The following SKAP2 variants were observed in gnomAD, a reference collection of about 807,000 sequenced individuals.
The protein encoded by SKAP2 is src kinase-associated phosphoprotein 2.
In SKAP2, 28 loss-of-function variants were observed where a neutral mutation model predicts 54.9. The observed-to-expected ratio is 0.51, with a 90% confidence interval of 0.38 to 0.70. The LOEUF is 0.70. Among genes scored for constraint, SKAP2 ranks in the 30% least tolerant of loss-of-function variants. The pLI, the probability that SKAP2 is intolerant of heterozygous loss-of-function variation, is 0.00. For synonymous variants in SKAP2, 137 were observed against 134.3 expected (o/e 1.02, Z -0.14); for missense variants, 356 against 424.1 (o/e 0.84, Z 1.41).
At chr7:26,751,328 T>A (rs1318415882) in intron 4 of SKAP2, among the ~76,000 whole-genome samples, 1 of 151,290 alleles carries the variant, frequency 6.6e-6, no homozygotes, top group Non-Finnish European at 1.5e-5. Context: ...GACATGAAAT[T>A]ATTTTATGAC....
chr7:26,847,881 T>C (rs1011058721), intron 3 of SKAP2: 2 of 152,226 alleles, frequency 1.3e-5, no homozygotes, highest in Non-Finnish European at 2.9e-5. Flanking sequence ...GGGTTGTTGC[T>C]CATTAATACT....
chr7:26,735,958 C>G (rs1024685827), intron 6 of SKAP2, among the ~76,000 whole-genome samples: 18 of 152,036 alleles, frequency 1.2e-4, no homozygotes, highest in African/African-American at 4.1e-4. Flanking sequence ...AGAAACAAAT[C>G]TAAAATTTCA....
intron 4 of SKAP2, among the ~76,000 whole-genome samples, chr7:26,816,191 A>G (rs556064126): frequency 3.3e-5 from 5 of 152,288 alleles, no homozygotes; most frequent in African/African-American, 1.2e-4. Flanking sequence ...AAGTAGCAAC[A>G]TCGCAAGACA....
chr7:26,658,832 C>G, the SKAP2 span, among the ~76,000 whole-genome samples: 1 of 144,376 alleles, frequency 6.9e-6, no homozygotes, highest in Non-Finnish European at 1.5e-5. Context: ...CACCCCCCAC[C>G]CCCCCACCAA....
At chr7:26,717,371 G>A (rs1182718353) in intron 9 of SKAP2, among the ~76,000 whole-genome samples, 6 of 151,610 alleles carry the variant, frequency 4.0e-5, no homozygotes, top group Non-Finnish European at 5.9e-5. Flanking sequence ...TTAGCCAGGC[G>A]TGGTGGCATG....
intron 4 of SKAP2, among the ~76,000 whole-genome samples, chr7:26,784,781 C>A (rs914238276): frequency 6.6e-6 from 1 of 152,118 alleles, no homozygotes; most frequent in Non-Finnish European, 1.5e-5. Flanking sequence ...TAAGCATCTA[C>A]AGTAAAGTTT....
In SKAP2 at chr7:26,667,089, T is replaced by C. The variant is rs1430129753; in HGVS notation, c.*2577A>G. The C allele has an allele frequency of 6.6e-6, 1 of 152,198 alleles. No individual in the cohort carries two copies. The highest frequency in any genetic ancestry group is 1.5e-5 in the Non-Finnish European group (1 of 68,028). 9.4% of individuals were successfully genotyped at this position (152,198 alleles called of 1,614,324 possible). A position where few individuals can be genotyped will look rare whatever the true frequency, so the allele number is the denominator to read the frequency against. ...ACAGTTTGCAAACAATTAAACTTTA[T>C]TTGAACCTTAAAAATTTGCAGAGTG... On this transcript the variant is annotated 3_prime_UTR_variant, in exon 13 of 13. Transcript: ENST00000345317.
At chr7:26,665,169 C>T (rs530711214), downstream of SKAP2, among the ~76,000 whole-genome samples, 41 of 152,276 alleles carry the variant, frequency 2.7e-4, no homozygotes, top group African/African-American at 7.7e-4. Flanking sequence ...TCTGATATTA[C>T]GCAAGTGGAA....
In SKAP2 at chr7:26,667,887, T is replaced by C. The variant is rs941727260; in HGVS notation, c.*1779A>G. 2.0e-5 allele frequency: 3 copies of C among 152,218 alleles called. No homozygotes were observed. Among genetic ancestry groups the C allele is most frequent in the Non-Finnish European group, 2.9e-5 (2 of 68,036 alleles). 9.4% of individuals were successfully genotyped at this position (152,218 alleles called of 1,614,324 possible). On this transcript the variant is annotated 3_prime_UTR_variant, in exon 13 of 13. Transcript: ENST00000345317. ...GCTCAAGTTTTGAAAACCAGTCCAC[T>C]AAAGTCGTCTTTGGTTGTCTAACTT... is the stretch of plus-strand genomic sequence containing the variant.
the SKAP2 span, among the ~76,000 whole-genome samples, chr7:26,659,429 G>A: frequency 1.3e-5 from 2 of 152,080 alleles, no homozygotes; most frequent in Non-Finnish European, 1.5e-5. Context: ...AGCAAGAGGT[G>A]TAATGAAAAC....
rs1053139103 is a variant in SKAP2, at chr7:26,864,490, G to C, written c.-61C>G. On this transcript the variant is annotated 5_prime_UTR_variant, in exon 1 of 13. Transcript: ENST00000345317. ...CGCTGAAAAGGTGACCGACGGGGTG[G>C]GGCTGCGGCTGCGACCTAGACTCAG... 1.3e-6 allele frequency: 2 copies of C among 1,542,976 alleles called. No homozygotes were observed. The highest frequency in any genetic ancestry group is 4.0e-5 in the Admixed American group (2 of 50,278).
At chr7:26,820,920 T>C (rs1056161045) in intron 4 of SKAP2, among the ~76,000 whole-genome samples, 1 of 152,168 alleles carries the variant, frequency 6.6e-6, no homozygotes, top group Admixed American at 6.5e-5. Flanking sequence ...TATGTACCTA[T>C]CCCTACTACA....
At chr7:26,704,909 C>T (rs1484134922) in intron 9 of SKAP2, among the ~76,000 whole-genome samples, 1 of 152,338 alleles carries the variant, frequency 6.6e-6, no homozygotes, top group East Asian at 1.9e-4. Context: ...GTTTCTCTTA[C>T]TTGGATTCCA....
chr7:26,723,379 C>T (rs1389565124), intron 9 of SKAP2, among the ~76,000 whole-genome samples: 3 of 152,068 alleles, frequency 2.0e-5, no homozygotes, highest in African/African-American at 4.8e-5. Flanking sequence ...GCTTCCTTCC[C>T]GGGGCACAGG....
intron 4 of SKAP2, among the ~76,000 whole-genome samples, chr7:26,811,911 C>T (rs1313194124): frequency 6.6e-6 from 1 of 152,052 alleles, no homozygotes; most frequent in Non-Finnish European, 1.5e-5. Flanking sequence ...CATAATTTAC[C>T]TTATAAGTAA....
chr7:26,741,274 T>G (rs1162550860), intron 4 of SKAP2, among the ~76,000 whole-genome samples: 1 of 151,912 alleles, frequency 6.6e-6, no homozygotes, highest in East Asian at 1.9e-4. Context: ...CCCAGCACTT[T>G]GGGAGGCTAA....
intron 4 of SKAP2, among the ~76,000 whole-genome samples, chr7:26,770,564 A>C (rs1783167967): frequency 6.6e-6 from 1 of 152,172 alleles, no homozygotes; most frequent in African/African-American, 2.4e-5. Context: ...TTTGTGCTTG[A>C]AACCCAGGGC....
chr7:26,827,297 G>C (rs1784511562), intron 4 of SKAP2, among the ~76,000 whole-genome samples: 1 of 152,014 alleles, frequency 6.6e-6, no homozygotes, highest in African/African-American at 2.4e-5. Flanking sequence ...CGCTTTTTAG[G>C]TATGAAAAAG....
At chr7:26,827,987 A>G (rs1420475414) in intron 4 of SKAP2, among the ~76,000 whole-genome samples, 1 of 152,188 alleles carries the variant, frequency 6.6e-6, no homozygotes, top group Non-Finnish European at 1.5e-5. Flanking sequence ...ACATACATAC[A>G]TATCTTAACA....
Sources: allele counts gnomAD v4.1 joint callset (sites outside exome capture counted in the v4.1 genomes callset), GRCh38; gene constraint gnomAD v4.1.1; transcripts MANE v1.5; gene names NCBI Gene and HGNC (gene_info 2026-07-23, HGNC 2026-07-21).